NXPH1: variants seen among roughly 807,000 people sequenced by gnomAD.
NXPH1 encodes neurexophilin 1.
A neutral mutation model predicts 23.7 loss-of-function variants in NXPH1; 5 were observed. The ratio of observed to expected loss-of-function variants is 0.21; its 90% confidence interval spans 0.11 to 0.44. The LOEUF (loss-of-function observed/expected upper bound fraction) is 0.44, where lower values mean the gene tolerates loss of function less well. NXPH1 is among the 20% of genes least tolerant of loss of function. The probability of loss-of-function intolerance (pLI) is 0.99; values close to 1 mark genes in which losing one functional copy is unlikely to be tolerated. For synonymous variants in NXPH1, 144 were observed against 122.2 expected, an observed-to-expected ratio of 1.18 and a Z score of -1.18; for missense variants, 324 against 321.6, an observed-to-expected ratio of 1.01 and a Z score of -0.06.
intron 2 of NXPH1, among the ~76,000 whole-genome samples, chr7:8,682,520 C>T (rs114886530): frequency 0.012 from 1,813 of 152,246 alleles, 32 homozygotes; most frequent in African/African-American, 0.041. Flanking sequence ...TTCCTTTGCT[C>T]CATATAAAGG....
intron 2 of NXPH1, among the ~76,000 whole-genome samples, chr7:8,725,228 G>A (rs1051792787): frequency 3.3e-5 from 5 of 152,154 alleles, no homozygotes; most frequent in African/African-American, 9.7e-5. Flanking sequence ...TGTGACTCAC[G>A]CCTGTAATCT....
At chr7:8,662,865 A>C (rs1339615693) in intron 2 of NXPH1, among the ~76,000 whole-genome samples, 1 of 152,114 alleles carries the variant, frequency 6.6e-6, no homozygotes, top group African/African-American at 2.4e-5. Context: ...TCATTATTCA[A>C]TGCTTGGAAG....
intron 2 of NXPH1, among the ~76,000 whole-genome samples, chr7:8,589,187 T>C (rs961400593): frequency 2.0e-5 from 3 of 152,064 alleles, no homozygotes; most frequent in Non-Finnish European, 4.4e-5. Flanking sequence ...TAGGTGAATA[T>C]TAAAAAATGG....
At chr7:8,538,643 G>T (rs1011987953) in intron 2 of NXPH1, among the ~76,000 whole-genome samples, 2 of 151,932 alleles carry the variant, frequency 1.3e-5, no homozygotes, top group African/African-American at 4.8e-5. Flanking sequence ...TCCCCCACGT[G>T]CTAAGTGGCA....
chr7:8,580,588 A>G (rs576845199), intron 2 of NXPH1, among the ~76,000 whole-genome samples: 1 of 152,220 alleles, frequency 6.6e-6, no homozygotes, highest in East Asian at 1.9e-4. Context: ...TCAATGTCTG[A>G]AGAAAAAGAT....
At chr7:8,700,312 A>T (rs1779602630) in intron 2 of NXPH1, among the ~76,000 whole-genome samples, 1 of 152,148 alleles carries the variant, frequency 6.6e-6, no homozygotes, top group South Asian at 2.1e-4. Context: ...CAGGTAACAG[A>T]TGAAATTCCT....
chr7:8,616,587 C>T (rs1446475690), intron 2 of NXPH1, among the ~76,000 whole-genome samples: 1 of 151,910 alleles, frequency 6.6e-6, no homozygotes, highest in Non-Finnish European at 1.5e-5. Flanking sequence ...GAAGAAGAGA[C>T]ATGGTGGTAA....
intron 2 of NXPH1, among the ~76,000 whole-genome samples, chr7:8,656,177 G>A (rs970526): frequency 0.67 from 101,945 of 152,040 alleles, 34,655 homozygotes; most frequent in East Asian, 0.83. Context: ...AGAAGGAAAC[G>A]TAGCAAAGGC....
intron 2 of NXPH1, among the ~76,000 whole-genome samples, chr7:8,694,937 C>T (rs1315799414): frequency 6.6e-6 from 1 of 152,064 alleles, no homozygotes; most frequent in African/African-American, 2.4e-5. Context: ...ATTCAGTCTA[C>T]CTAGGAAAGA....
intron 2 of NXPH1, among the ~76,000 whole-genome samples, chr7:8,604,130 CTTAATG>C (rs1819424652): frequency 6.6e-6 from 1 of 152,000 alleles, no homozygotes; most frequent in South Asian, 2.1e-4. Context: ...GGTAGCTGCC[CTTAATG>C]TTGGTGGCAT....
chr7:8,538,449 G>A (rs906169159), intron 2 of NXPH1, among the ~76,000 whole-genome samples: 1 of 151,816 alleles, frequency 6.6e-6, no homozygotes, highest in Non-Finnish European at 1.5e-5. Flanking sequence ...CTCTTTCTGG[G>A]ACACTGGGTA....
chr7:8,714,107 G>T (rs971251875), intron 2 of NXPH1, among the ~76,000 whole-genome samples: 13 of 152,130 alleles, frequency 8.5e-5, no homozygotes, highest in Non-Finnish European at 1.5e-4. Flanking sequence ...AAACCTACCT[G>T]GTGCCCTAAA....
intron 2 of NXPH1, among the ~76,000 whole-genome samples, chr7:8,528,570 T>G (rs1480871395): frequency 6.6e-6 from 1 of 152,236 alleles, no homozygotes; most frequent in East Asian, 1.9e-4. Flanking sequence ...GATGCCTTAT[T>G]TGCATATGAA....
chr7:8,504,483 C>T (rs964736366), intron 2 of NXPH1, among the ~76,000 whole-genome samples: 1 of 151,986 alleles, frequency 6.6e-6, no homozygotes, highest in Non-Finnish European at 1.5e-5. Flanking sequence ...GAACAGGGAA[C>T]TCACCTATGT....
intron 2 of NXPH1, among the ~76,000 whole-genome samples, chr7:8,478,280 T>C (rs1208380997): frequency 2.0e-5 from 3 of 152,064 alleles, no homozygotes; most frequent in African/African-American, 7.2e-5. Context: ...TAATGTGATA[T>C]ATAAAAATAA....
chr7:8,667,978 C>G (rs1044458142), intron 2 of NXPH1, among the ~76,000 whole-genome samples: 2 of 102,576 alleles, frequency 1.9e-5, no homozygotes, highest in Admixed American at 1.2e-4. Context: ...TTGATGTTCT[C>G]TATTGTATTT....
At chr7:8,465,383 A>G (rs1340012674) in intron 2 of NXPH1, among the ~76,000 whole-genome samples, 1 of 152,084 alleles carries the variant, frequency 6.6e-6, no homozygotes, top group African/African-American at 2.4e-5. Flanking sequence ...GTGTCTCCTG[A>G]AGGATTAATT....
At chr7:8,598,415 C>A (rs10265638) in intron 2 of NXPH1, among the ~76,000 whole-genome samples, 2,564 of 152,184 alleles carry the variant, frequency 0.017, 71 homozygotes, top group African/African-American at 0.059. Flanking sequence ...GCACATAGAC[C>A]TGGTTCCCTT....
chr7:8,684,953 C>T (rs1032900960), intron 2 of NXPH1, among the ~76,000 whole-genome samples: 1 of 152,074 alleles, frequency 6.6e-6, no homozygotes, highest in African/African-American at 2.4e-5. Context: ...TCAAATTCGC[C>T]ATGTTGCACT....
Sources: gnomAD v4.1 joint callset for allele counts (sites outside exome capture counted in the v4.1 genomes callset) on GRCh38, gnomAD v4.1.1 for gene constraint, MANE v1.5 for transcripts, NCBI Gene and HGNC (gene_info 2026-07-23, HGNC 2026-07-21) for gene names.